KDM4B: variants seen among roughly 807,000 people sequenced by gnomAD.
The protein encoded by KDM4B is lysine-specific demethylase 4B.
Under a neutral mutation model 125.2 loss-of-function variants are expected in KDM4B, and 32 were observed. The observed-to-expected ratio is 0.26, with a 90% CI of 0.19 to 0.34. KDM4B has a LOEUF of 0.34. KDM4B is among the 10% of genes least tolerant of loss of function. KDM4B has a pLI of 1.00. For synonymous variants in KDM4B, 721 were observed against 677.9 expected (o/e 1.06, Z -0.99); for missense variants, 1,190 against 1,577.7 (o/e 0.75, Z 4.16).
At chr19:5,048,473 G>A (rs1285151554) in intron 6 of KDM4B, among the ~76,000 whole-genome samples, 1 of 152,180 alleles carries the variant, frequency 6.6e-6, no homozygotes, top group Non-Finnish European at 1.5e-5. Context: ...CGCCCTTCCC[G>A]GGGCCGCGCT....
At chr19:5,108,320 G>A (rs1194620161) in intron 9 of KDM4B, among the ~76,000 whole-genome samples, 3 of 152,222 alleles carry the variant, frequency 2.0e-5, no homozygotes, top group African/African-American at 7.2e-5. Flanking sequence ...GACACCACCA[G>A]CCTTTCTCTC....
chr19:5,126,038 G>T (rs1231836057), intron 11 of KDM4B, among the ~76,000 whole-genome samples: 5 of 152,242 alleles, frequency 3.3e-5, no homozygotes, highest in African/African-American at 7.2e-5. Flanking sequence ...TTGAATGCCA[G>T]TTTCACGCCC....
At chr19:5,052,929 C>T (rs772824522) in intron 6 of KDM4B, among the ~76,000 whole-genome samples, 56 of 151,766 alleles carry the variant, frequency 3.7e-4, no homozygotes, top group African/African-American at 7.0e-4. Context: ...GTCTACTGAC[C>T]GTAAGGCATG....
intron 1 of KDM4B, among the ~76,000 whole-genome samples, chr19:5,012,312 C>A (rs910719248): frequency 6.6e-6 from 1 of 152,214 alleles, no homozygotes. Context: ...ACCCCCCACC[C>A]GTTTTCCTTG....
At chr19:4,994,451 T>C (rs2035135338) in intron 1 of KDM4B, among the ~76,000 whole-genome samples, 2 of 151,110 alleles carry the variant, frequency 1.3e-5, no homozygotes, top group Admixed American at 1.3e-4. Context: ...TAGTCCCAGC[T>C]ACTCAGGAGG....
Position 5,114,383 on chromosome 19 carries a change from G to A in KDM4B, c.1115+3565G>A, listed in dbSNP as rs754556642. The A allele has an allele frequency of 5.7e-5, 31 of 543,968 alleles. No homozygotes were observed. Among genetic ancestry groups the A allele is most frequent in the African/African-American group, 1.9e-4 (10 of 51,574 alleles). The allele number at this position is 543,968 out of a possible 1,614,324, so 33.7% of individuals were successfully genotyped here. On this transcript the variant is annotated intron_variant, in intron 10 of 22. Transcript: ENST00000159111. This position sits in a 1 kb window ranked among gnomAD's most constrained non-coding sequence, Gnocchi z 5.8. ...CTCTGCCTTGGCCTGTCGCCCCTGCGCCAGTGCAGGACACCGCCACGCCTC... is the reference window on the plus strand; with the variant it reads ...CTCTGCCTTGGCCTGTCGCCCCTGCACCAGTGCAGGACACCGCCACGCCTC...
At chr19:5,028,129 G>T (rs534790210) in intron 2 of KDM4B, among the ~76,000 whole-genome samples, 2 of 152,124 alleles carry the variant, frequency 1.3e-5, no homozygotes, top group Non-Finnish European at 2.9e-5. Flanking sequence ...GCACCACCAT[G>T]CCTGGCTAAT....
At chr19:5,038,471 G>C (rs1450045597) in intron 3 of KDM4B, among the ~76,000 whole-genome samples, 1 of 152,208 alleles carries the variant, frequency 6.6e-6, no homozygotes, top group Non-Finnish European at 1.5e-5. Flanking sequence ...CTTTCCTTGG[G>C]ACCAGCCTTG....
At chr19:5,096,896 C>G (rs963465925) in intron 9 of KDM4B, among the ~76,000 whole-genome samples, 5 of 152,214 alleles carry the variant, frequency 3.3e-5, no homozygotes, top group African/African-American at 1.2e-4. Context: ...GCCTTAATAG[C>G]TCAGAGAAGG....
At chr19:5,075,098 C>G (rs538114648) in intron 7 of KDM4B, 1 of 152,506 alleles carries the variant, frequency 6.6e-6, no homozygotes, top group East Asian at 1.9e-4. Flanking sequence ...CCGGGCTTCA[C>G]CCGGGAGTGC....
At chr19:5,018,206 T>A (rs72990138) in intron 2 of KDM4B, among the ~76,000 whole-genome samples, 23,907 of 152,106 alleles carry the variant, frequency 0.16, 2,235 homozygotes, top group Non-Finnish European at 0.22. Context: ...CCTGGCTAAT[T>A]TTTTTATTTT....
At chr19:5,091,428 G>C (rs140813046) in intron 9 of KDM4B, among the ~76,000 whole-genome samples, 1 of 152,130 alleles carries the variant, frequency 6.6e-6, no homozygotes, top group African/African-American at 2.4e-5. Context: ...GGCAGGGAGA[G>C]CTTCTGCTGA....
At chr19:5,012,746 T>TGGGCCATCAGCAGGATGG (rs1207166519) in intron 1 of KDM4B, among the ~76,000 whole-genome samples, 3 of 152,220 alleles carry the variant, frequency 2.0e-5, no homozygotes, top group Non-Finnish European at 2.9e-5. Flanking sequence ...CGTCAGGACG[T>TGGGCCATCAGCAGGATGG]GGGCCATCAG....
chr19:5,120,348 G>A (rs1326773697), intron 11 of KDM4B, among the ~76,000 whole-genome samples: 1 of 152,188 alleles, frequency 6.6e-6, no homozygotes, highest in African/African-American at 2.4e-5. Flanking sequence ...TAAAAGACCA[G>A]GATGCTGTAT....
rs1362673379 is a variant in KDM4B, at chr19:5,135,478, C to T, written c.2225C>T (p.Pro742Leu). ...CFTSGGENTE[P>L]LPANSYIGDD... Reference sequence around the variant, plus strand: ...ACCTCTGGCGGTGAGAACACGGAGCCGCTGCCTGCCAACTCCTACATCGGC... The same window carrying T: ...ACCTCTGGCGGTGAGAACACGGAGCTGCTGCCTGCCAACTCCTACATCGGC... The change falls in exon 15 of 23, where the codon CCG (proline) becomes CTG (leucine). Residue 742 changes from proline (P) to leucine (L), a missense_variant. Pro to Leu is a moderately conservative substitution (Grantham distance 98). This residue lies in a region of KDM4B where 298 missense variants were observed against 439.7 expected (regional missense o/e 0.68). Coordinates refer to ENST00000159111, the MANE Select transcript of KDM4B (RefSeq NM_015015.3). 2.5e-6 allele frequency: 4 copies of T among 1,613,170 alleles called. No individual in the cohort carries two copies. The highest frequency in any genetic ancestry group is 2.2e-5 in the East Asian group (1 of 44,876).
At chr19:4,972,420 C>A (rs898848254) in intron 1 of KDM4B, among the ~76,000 whole-genome samples, 3 of 152,160 alleles carry the variant, frequency 2.0e-5, no homozygotes, top group Non-Finnish European at 4.4e-5. Flanking sequence ...GAGTTCGGAG[C>A]CGGTTTATTA....
chr19:5,086,780 G>A (rs549654278), intron 9 of KDM4B, among the ~76,000 whole-genome samples: 151 of 152,362 alleles, frequency 9.9e-4, no homozygotes, highest in African/African-American at 3.4e-3. Flanking sequence ...AGCTACAGCC[G>A]TGAGCAGGCC....
At chr19:4,982,957 G>T (rs2034696302) in intron 1 of KDM4B, among the ~76,000 whole-genome samples, 1 of 152,122 alleles carries the variant, frequency 6.6e-6, no homozygotes, top group South Asian at 2.1e-4. Context: ...TGAGGATGCA[G>T]AACAAGCCCG....
At chr19:5,070,130 C>T (rs2037899874) in intron 6 of KDM4B, among the ~76,000 whole-genome samples, 1 of 152,170 alleles carries the variant, frequency 6.6e-6, no homozygotes. Flanking sequence ...CTTGACCATC[C>T]TCAGCTGGCA....
Sources: gnomAD v4.1 joint callset for allele counts (sites outside exome capture counted in the v4.1 genomes callset) on GRCh38, gnomAD v4.1.1 for gene constraint, gnomAD v4.1.1 regional missense constraint, Gnocchi (gnomAD v3.1) non-coding constraint, MANE v1.5 for transcripts, NCBI Gene and HGNC (gene_info 2026-07-23, HGNC 2026-07-21) for gene names.